The following CARD10 variants were observed in gnomAD, a reference collection of about 807,000 sequenced individuals.
The protein encoded by CARD10 is caspase recruitment domain-containing protein 10.
Under a neutral mutation model 114.6 loss-of-function variants are expected in CARD10, and 49 were observed. That is an observed-to-expected ratio of 0.43 (90% CI 0.34 to 0.54). The LOEUF (loss-of-function observed/expected upper bound fraction) is 0.54, where lower values mean the gene tolerates loss of function less well. Ranked by LOEUF, CARD10 falls within the 20% of genes least tolerant of loss-of-function variation. The probability of loss-of-function intolerance (pLI) is 0.03; values close to 1 mark genes in which losing one functional copy is unlikely to be tolerated. For missense variants in CARD10, 1,206 were observed against 1,397.2 expected, an observed-to-expected ratio of 0.86 and a Z score of 2.18; for synonymous variants, 602 against 593.2, an observed-to-expected ratio of 1.01 and a Z score of -0.21.
In CARD10 at chr22:37,508,652, C is replaced by G. The variant is rs748143318; in HGVS notation, c.940G>C (p.Glu314Gln). ...TCTAGGATGTCCAGCAGGATGCGCTCGGAGCCCGGGGCCCCCGGCCGGCTC... is the reference window on the plus strand; with the variant it reads ...TCTAGGATGTCCAGCAGGATGCGCTGGGAGCCCGGGGCCCCCGGCCGGCTC... ...EASRPGAPGSERILLDILEHD... is the reference protein window; with the variant it reads ...EASRPGAPGSQRILLDILEHD... The change falls in exon 5 of 20, where the codon GAG (glutamate) becomes CAG (glutamine). Residue 314 changes from glutamate (E) to glutamine (Q), a missense_variant. Physicochemically the swap from Glu to Gln is conservative, Grantham distance 29. Transcript: ENST00000251973. The G allele has an allele frequency of 2.5e-6, 4 of 1,578,690 alleles. No individual in the cohort carries two copies. The East Asian group carries it at 9.2e-5, about 36-fold the overall frequency.
intron 11 of CARD10, among the ~76,000 whole-genome samples, chr22:37,499,733 G>A (rs1431356590): frequency 6.6e-6 from 1 of 152,134 alleles, no homozygotes; most frequent in African/African-American, 2.4e-5. Context: ...CCTGCTCCCA[G>A]CACTCCTCGG....
chr22:37,497,085 T>C lies in CARD10; in HGVS notation c.1881A>G (p.Arg627=), dbSNP rs747279360. 6 of 1,614,158 alleles carry C rather than the reference T, an allele frequency of 3.7e-6. No individual in the cohort carries two copies. The East Asian group carries it at 1.1e-4, about 30-fold the overall frequency. ...GPDGLSFYGD[R]WSGAVVRRVL... ...CCCTGCGCACCACAGCCCCAGACCA[T>C]CTGTCCCCATAAAACGACAGTCCAT... Residue 627 remains arginine, a synonymous_variant, in exon 12 of 20, where the codon AGA becomes AGG. Transcript: ENST00000251973.
intron 15 of CARD10, among the ~76,000 whole-genome samples, 193 bp downstream of exon 15, chr22:37,495,324 T>C (rs1922958427): frequency 6.6e-6 from 1 of 152,214 alleles, no homozygotes; most frequent in Non-Finnish European, 1.5e-5. Context: ...CTTTACCTCA[T>C]TTCATCTCTA....
intron 3 of CARD10, among the ~76,000 whole-genome samples, chr22:37,512,713 C>T (rs1923704685): frequency 6.6e-6 from 1 of 152,184 alleles, no homozygotes; most frequent in Non-Finnish European, 1.5e-5. Flanking sequence ...CGCAGCCACA[C>T]ACCAGGGCCT....
intron 15 of CARD10, among the ~76,000 whole-genome samples, chr22:37,494,867 C>T (rs1302497783): frequency 6.6e-6 from 1 of 152,252 alleles, no homozygotes; most frequent in East Asian, 1.9e-4. Flanking sequence ...TATCTGATGG[C>T]TCTGAGCCTC....
chr22:37,495,525 G>C lies in CARD10; in HGVS notation c.2365C>G (p.Arg789Gly), dbSNP rs764840587. The C allele has an allele frequency of 9.9e-6, 16 of 1,611,568 alleles. No individual in the cohort carries two copies. The highest frequency in any genetic ancestry group is 5.5e-5 in the South Asian group (5 of 90,256). The change falls in exon 15 of 20, where the codon CGC becomes GGC. Residue 789 changes from arginine (R) to glycine (G), a missense_variant. Physicochemically the swap from Arg to Gly is moderately radical, Grantham distance 125 (BLOSUM62 -2). Coordinates refer to ENST00000251973, the MANE Select transcript of CARD10 (RefSeq NM_014550.4). Reference sequence around the variant, plus strand: ...TGCCCAGCCGTGCTCACATTACTGCGGGGGCCTCGGTGCCGGCTGGAGGGC... The same window carrying C: ...TGCCCAGCCGTGCTCACATTACTGCCGGGGCCTCGGTGCCGGCTGGAGGGC... ...CLPSSRHRGP[R>G]SNLKKRALDQ...
rs1922760307 is a variant in CARD10 at position 37,491,225 on chromosome 22, C to T, written c.3033G>A (p.Glu1011=). The part of the protein sequence containing the change: ...AKVVRGRILQ[E]QARLVWVECG... ...ACTCCACCCACACGAGGCGGGCCTG[C>T]TCCTGCAGGATGCGGCCGCGCACCA... Residue 1011 remains glutamate, a synonymous_variant, in exon 20 of 20, where the codon GAG becomes GAA. Transcript: ENST00000251973. The T allele has an allele frequency of 6.4e-7, 1 of 1,569,120 alleles. No individual in the cohort carries two copies. Among genetic ancestry groups the T allele is most frequent in the Non-Finnish European group, 8.6e-7 (1 of 1,161,252 alleles).
Position 37,491,200 on chromosome 22 carries a change from A to T in CARD10, c.3058T>A (p.Cys1020Ser). ...CTGGGGCAGCCTCTGCTGCTGCCGCACTCCACCCACACGAGGCGGGCCTGC... is the reference window on the plus strand; with the variant it reads ...CTGGGGCAGCCTCTGCTGCTGCCGCTCTCCACCCACACGAGGCGGGCCTGC... ...QEQARLVWVE[C>S]GSSRGCPSSS... The change falls in exon 20 of 20, where the codon TGC becomes AGC. Residue 1020 changes from cysteine (C) to serine (S), a missense_variant. Cys to Ser is a moderately radical substitution (Grantham distance 112). Transcript: ENST00000251973. 1 of 1,576,574 alleles carries T rather than the reference A, an allele frequency of 6.3e-7. No individual in the cohort carries two copies. Among genetic ancestry groups the T allele is most frequent in the Non-Finnish European group, 8.6e-7 (1 of 1,163,588 alleles).
At chr22:37,491,570 G>T (rs970909964) in intron 19 of CARD10, among the ~76,000 whole-genome samples, 177 bp from the exon 20 acceptor site, 9 of 1,438 alleles carry the variant, frequency 6.3e-3, no homozygotes, top group Non-Finnish European at 8.3e-3. Context: ...AGAGACGGGG[G>T]AGGGAGGGGG....
At chr22:37,503,121 G>C (rs2145762180) in intron 10 of CARD10, 64 bp downstream of exon 10, 2 of 1,540,944 alleles carry the variant, frequency 1.3e-6, no homozygotes, top group East Asian at 2.3e-5. Context: ...CAGGCTTCAG[G>C]TGGGCTGCAA....
Position 37,496,152 on chromosome 22 carries a change from A to G in CARD10, c.2060-149T>C. 9.3e-7 allele frequency: 1 copy of G among 1,076,468 alleles called. No homozygotes were observed. Among genetic ancestry groups the G allele is most frequent in the Admixed American group, 2.7e-5 (1 of 37,370 alleles). 66.7% of individuals were successfully genotyped at this position (1,076,468 alleles called of 1,614,324 possible). ...CACCTTCTTAGAATGACTTAGGTCC[A>G]GAGGGGGCAGGGACTTGCCCAAGGC... On this transcript the variant is annotated intron_variant, in intron 13 of 19. Transcript: ENST00000251973. The surrounding 1 kb of genome is among the most constrained non-coding windows in gnomAD (Gnocchi z 4.1).
At chr22:37,517,776 T>C in intron 2 of CARD10, among the ~76,000 whole-genome samples, 195 bp downstream of exon 2, 1 of 152,212 alleles carries the variant, frequency 6.6e-6, no homozygotes, top group East Asian at 1.9e-4. Flanking sequence ...GGCTCTGAAC[T>C]TGGAATAACG....
At chr22:37,504,062 G>A in intron 9 of CARD10, 124 bp downstream of exon 9, 1 of 768,598 alleles carries the variant, frequency 1.3e-6, no homozygotes, top group Non-Finnish European at 2.3e-6. Context: ...CCAGCCATCT[G>A]AGGGCAATAA....
rs377677573 is a variant in CARD10, at chr22:37,492,386, C to T, written c.2751+49G>A. 1.3e-5 allele frequency: 17 copies of T among 1,358,300 alleles called. No individual in the cohort carries two copies. The highest frequency in any genetic ancestry group is 2.9e-5 in the African/African-American group (2 of 68,664). The allele number at this position is 1,358,300 out of a possible 1,614,324, so 84.1% of individuals were successfully genotyped here. On this transcript the variant is annotated intron_variant, in intron 18 of 19. Transcript: ENST00000251973. The surrounding 1 kb of genome is among the most constrained non-coding windows in gnomAD (Gnocchi z 5.7). The stretch of plus-strand genomic sequence containing the variant: ...CGCTCAAGCCCAGAACAGCAGCACC[C>T]GCTCTGGGCCACCTCTGTGAGCACC...
intron 5 of CARD10, among the ~76,000 whole-genome samples, chr22:37,508,234 T>A (rs904718155): frequency 6.6e-6 from 1 of 152,260 alleles, no homozygotes; most frequent in South Asian, 2.1e-4. Context: ...CAGCTCTGCA[T>A]CTCCCACGGT....
At chr22:37,516,326 A>G (rs1270888698) in intron 2 of CARD10, 28 bp from the exon 3 acceptor site, 2 of 1,486,690 alleles carry the variant, frequency 1.3e-6, no homozygotes, top group East Asian at 2.3e-5. Flanking sequence ...GGGACAGAAT[A>G]GGCAGCTCAG....
rs1418352611 is a variant in CARD10, at chr22:37,491,379, C to T, written c.2879G>A (p.Arg960Gln). The T allele has an allele frequency of 1.1e-5, 17 of 1,498,890 alleles. No homozygotes were observed. The highest frequency in any genetic ancestry group is 8.3e-5 in the African/African-American group (6 of 72,030). 92.8% of individuals were successfully genotyped at this position (1,498,890 alleles called of 1,614,324 possible). ...CAGCTCTGAGTCCCGCCAGCCCGGC[C>T]GGCCCAGCAGACCCCTGCCGAGAGA... is the stretch of plus-strand genomic sequence containing the variant. The part of the protein sequence containing the change: ...NVREVRGLLG[R>Q]PGWRDSELLR... Residue 960 changes from arginine (R) to glutamine (Q), a missense_variant, in exon 20 of 20, where the codon CGG (arginine) becomes CAG (glutamine). By Grantham distance (43) the Arg-to-Gln change is conservative. This residue lies in a region of CARD10 where 1,068 missense variants were observed against 1,179.1 expected (regional missense o/e 0.91). Coordinates refer to ENST00000251973, the MANE Select transcript of CARD10 (RefSeq NM_014550.4).
At chr22:37,502,970 A>G (rs1923271524) in intron 10 of CARD10, among the ~76,000 whole-genome samples, 1 of 152,240 alleles carries the variant, frequency 6.6e-6, no homozygotes, top group Admixed American at 6.5e-5. Flanking sequence ...CGGGAACAGG[A>G]GTGAGGCCCA....
At chr22:37,513,298 GA>G (rs1414021186) in intron 3 of CARD10, among the ~76,000 whole-genome samples, 2 of 152,064 alleles carry the variant, frequency 1.3e-5, no homozygotes, top group African/African-American at 4.8e-5. Context: ...TTTTAGTACA[GA>G]CGGGGTTTCA....
Sources: gnomAD v4.1 joint callset for allele counts (sites outside exome capture counted in the v4.1 genomes callset) on GRCh38, gnomAD v4.1.1 for gene constraint, gnomAD v4.1.1 regional missense constraint, Gnocchi (gnomAD v3.1) non-coding constraint, MANE v1.5 for transcripts, NCBI Gene and HGNC (gene_info 2026-07-23, HGNC 2026-07-21) for gene names.